Variants in CAMTA1 observed in about 807,000 individuals in gnomAD.
CAMTA1 encodes the protein calmodulin-binding transcription activator 1.
A neutral mutation model predicts 170.9 loss-of-function variants in CAMTA1; 27 were observed. The observed-to-expected ratio is 0.16, with a 90% CI of 0.12 to 0.22. The LOEUF (loss-of-function observed/expected upper bound fraction) is 0.22, where lower values mean the gene tolerates loss of function less well. Among genes scored for constraint, CAMTA1 ranks in the 10% least tolerant of loss-of-function variants. CAMTA1 has a pLI of 1.00. For missense variants in CAMTA1, 1,619 were observed against 2,217.2 expected (o/e 0.73, Z 5.42); for synonymous variants, 833 against 891.5 (o/e 0.93, Z 1.17).
rs552626952 is a variant in CAMTA1 at position 7,491,423 on chromosome 1, C to T, written c.510+23522C>T. 1.6e-3 allele frequency among the ~76,000 whole-genome samples: 242 copies of T among 152,346 alleles called. 3 individuals carry two copies. The highest frequency in any genetic ancestry group is 5.7e-3 in the African/African-American group (238 of 41,578). On this transcript the variant is annotated intron_variant, in intron 6 of 22. Coordinates refer to ENST00000303635, the MANE Select transcript of CAMTA1 (RefSeq NM_015215.4). ...AAGGCCAAAACTAACCCTGAATCCC[C>T]CCGCCCATGTTTAGAGTAGACACAG...
rs150741609 is a variant in CAMTA1 at position 6,972,928 on chromosome 1, G to A, written c.235-118376G>A. Among the ~76,000 whole-genome samples the A allele has an allele frequency of 1.7e-3, 255 of 151,892 alleles. 1 individual carries two copies. The highest frequency in any genetic ancestry group is 3.0e-3 in the Non-Finnish European group (201 of 67,950). ...GTGCAGCGGTGTGATCTTGGCTCAC[G>A]GTAACCCCCGCCTCCCAGGTTCAAG... On this transcript the variant is annotated intron_variant, in intron 3 of 22. Coordinates refer to ENST00000303635, the MANE Select transcript of CAMTA1 (RefSeq NM_015215.4).
intron 5 of CAMTA1, among the ~76,000 whole-genome samples, chr1:7,343,855 T>C (rs1177783092): frequency 6.6e-6 from 1 of 152,258 alleles, no homozygotes; most frequent in African/African-American, 2.4e-5. Context: ...ATCTCATTTA[T>C]GTGGTTGATG....
chr1:7,752,812 G>A (rs1432144489), intron 21 of CAMTA1, among the ~76,000 whole-genome samples: 1 of 152,168 alleles, frequency 6.6e-6, no homozygotes, highest in East Asian at 1.9e-4. Flanking sequence ...AGTCGGACTA[G>A]CTTTTAATTC....
At chr1:7,284,174 CTTCTTATTA>C (rs1321630061) in intron 5 of CAMTA1, among the ~76,000 whole-genome samples, 2,273 of 107,620 alleles carry the variant, frequency 0.021, 11 homozygotes, top group Non-Finnish European at 0.024. Context: ...TCTTCTTCTT[CTTCTTATTA>C]TTATTATTAT....
In CAMTA1 at chr1:7,116,320, A is replaced by T. The variant is rs115231512; in HGVS notation, c.302+24949A>T. Among the ~76,000 whole-genome samples, 1,442 of 152,356 alleles carry T rather than the reference A, an allele frequency of 9.5e-3. 14 individuals carry two copies. The highest frequency in any genetic ancestry group is 0.018 in the South Asian group (86 of 4,820). ...GTTAAAAATTTAACTTAAAACCTATAAGTGAGTATGGACTTACCAATCTTT... is the reference window on the plus strand; with the variant it reads ...GTTAAAAATTTAACTTAAAACCTATTAGTGAGTATGGACTTACCAATCTTT... On this transcript the variant is annotated intron_variant, in intron 4 of 22. Transcript: ENST00000303635.
At chr1:7,183,200 G>A (rs1652570718) in intron 4 of CAMTA1, among the ~76,000 whole-genome samples, 1 of 152,112 alleles carries the variant, frequency 6.6e-6, no homozygotes, top group African/African-American at 2.4e-5. Flanking sequence ...GGTGAGAGAG[G>A]GAGCAAGAGA....
chr1:6,888,116 A>AG (rs1190737025), intron 3 of CAMTA1: 1 of 981,098 alleles, frequency 1.0e-6, no homozygotes, highest in East Asian at 7.7e-5. Context: ...CCATGAGAGC[A>AG]GGGCCTTTGT....
rs983802838 is a variant in CAMTA1, at chr1:7,093,600, A to G, written c.302+2229A>G. ...CCCTTTGACGGCAGAACAGTAGAAC[A>G]TTTCAAGGCAGCGGTTTTACCTCGA... On this transcript the variant is annotated intron_variant, in intron 4 of 22. Transcript: ENST00000303635. This position sits in a 1 kb window ranked among gnomAD's most constrained non-coding sequence, Gnocchi z 4.6. Among the ~76,000 whole-genome samples, 1 of 152,128 alleles carries G rather than the reference A, an allele frequency of 6.6e-6. No homozygotes were observed. Among genetic ancestry groups the G allele is most frequent in the Admixed American group, 6.5e-5 (1 of 15,268 alleles).
At position 7,018,680 on chromosome 1, in the gene CAMTA1, C is replaced by T. The variant is rs935538663; in HGVS notation, c.235-72624C>T. On this transcript the variant is annotated intron_variant, in intron 3 of 22. Transcript: ENST00000303635. ...TGTTCTCGATAACCGGAATCAGCAC[C>T]GCTCTCCTTCCTGTCATGTAGCCCT... 8.5e-5 allele frequency among the ~76,000 whole-genome samples: 13 copies of T among 152,148 alleles called. 1 individual carries two copies. Among genetic ancestry groups the T allele is most frequent in the East Asian group, 5.8e-4 (3 of 5,188 alleles).
At chr1:7,025,306 G>T (rs1701875932) in intron 3 of CAMTA1, among the ~76,000 whole-genome samples, 1 of 152,242 alleles carries the variant, frequency 6.6e-6, no homozygotes, top group African/African-American at 2.4e-5. Context: ...GGCTCTGGCA[G>T]CCTGGGGGCC....
At chr1:6,847,565 G>A (rs1258325634) in intron 3 of CAMTA1, among the ~76,000 whole-genome samples, 1 of 150,532 alleles carries the variant, frequency 6.6e-6, no homozygotes, top group Non-Finnish European at 1.5e-5. Context: ...TTGAGACAGA[G>A]TCTTACCCTG....
At position 7,299,680 on chromosome 1, in the gene CAMTA1, C is replaced by T. The variant is rs555541380; in HGVS notation, c.438+50054C>T. Among the ~76,000 whole-genome samples the T allele has an allele frequency of 5.9e-5, 9 of 152,342 alleles. No individual in the cohort carries two copies. In the East Asian group the frequency reaches 9.6e-4, roughly 16 times the overall value. On this transcript the variant is annotated intron_variant, in intron 5 of 22. Coordinates refer to ENST00000303635, the MANE Select transcript of CAMTA1 (RefSeq NM_015215.4). The surrounding 1 kb of genome is among the most constrained non-coding windows in gnomAD (Gnocchi z 4.7). ...TGCCCCAACCCCACACAGAGACACACGCCCAATCAGTGCCCTGTACAAGCA... is the reference window on the plus strand; with the variant it reads ...TGCCCCAACCCCACACAGAGACACATGCCCAATCAGTGCCCTGTACAAGCA...
intron 5 of CAMTA1, among the ~76,000 whole-genome samples, chr1:7,324,222 C>G (rs1317032290): frequency 2.6e-5 from 4 of 152,182 alleles, no homozygotes; most frequent in African/African-American, 9.6e-5. Context: ...TTGAATATTT[C>G]ATCAATATGG....
Position 7,067,728 on chromosome 1 carries a change from C to A in CAMTA1, c.235-23576C>A. 6.6e-6 allele frequency among the ~76,000 whole-genome samples: 1 copy of A among 152,138 alleles called. No homozygotes were observed. Among genetic ancestry groups the A allele is most frequent in the East Asian group, 1.9e-4 (1 of 5,194 alleles). ...ATAGCATTCCCGTCTTATTTCTTGC[C>A]GACAGGACCTTGACTGTGTTCAGGT... On this transcript the variant is annotated intron_variant, in intron 3 of 22. Transcript: ENST00000303635. This position sits in a 1 kb window ranked among gnomAD's most constrained non-coding sequence, Gnocchi z 4.3.
intron 4 of CAMTA1, among the ~76,000 whole-genome samples, chr1:7,095,232 G>A (rs1641933659): frequency 6.6e-6 from 1 of 152,178 alleles, no homozygotes; most frequent in South Asian, 2.1e-4. Flanking sequence ...TGTTCATGGG[G>A]CACCCCCAGC....
At chr1:7,291,933 G>A (rs923776051) in intron 5 of CAMTA1, among the ~76,000 whole-genome samples, 1 of 152,224 alleles carries the variant, frequency 6.6e-6, no homozygotes, top group Non-Finnish European at 1.5e-5. Flanking sequence ...AATGGAAACA[G>A]CTGAGAATAC....
intron 4 of CAMTA1, among the ~76,000 whole-genome samples, chr1:7,166,192 G>A (rs571195700): frequency 4.6e-5 from 7 of 151,798 alleles, no homozygotes; most frequent in African/African-American, 1.2e-4. Flanking sequence ...TCAGCCTCCC[G>A]AGTAGCTGGG....
chr1:7,416,669 T>C (rs1457876296), intron 5 of CAMTA1, among the ~76,000 whole-genome samples: 1 of 152,242 alleles, frequency 6.6e-6, no homozygotes, highest in African/African-American at 2.4e-5. Context: ...ATCTAATTTT[T>C]TTTCAAAGTT....
chr1:7,414,169 T>C (rs1396971003), intron 5 of CAMTA1, among the ~76,000 whole-genome samples: 20 of 152,250 alleles, frequency 1.3e-4, no homozygotes, highest in African/African-American at 4.6e-4. Flanking sequence ...CAGTGTTTTA[T>C]TGAGGATTTT....
Sources: allele counts gnomAD v4.1 joint callset (sites outside exome capture counted in the v4.1 genomes callset), GRCh38; gene constraint gnomAD v4.1.1; non-coding constraint Gnocchi (gnomAD v3.1); transcripts MANE v1.5; gene names NCBI Gene and HGNC (gene_info 2026-07-23, HGNC 2026-07-21).